DOCK8: variants seen among roughly 807,000 people sequenced by gnomAD.
DOCK8 encodes dedicator of cytokinesis 8, also known as dedicator of cytokinesis protein 8.
A neutral mutation model predicts 245.6 loss-of-function variants in DOCK8; 141 were observed. The ratio of observed to expected loss-of-function variants is 0.57; its 90% CI spans 0.50 to 0.66. DOCK8 has a LOEUF of 0.66. DOCK8 is among the 30% of genes least tolerant of loss of function. The probability of loss-of-function intolerance (pLI) is 0.00; values close to 1 mark genes in which losing one functional copy is unlikely to be tolerated. For missense variants in DOCK8, 2,965 were observed against 2,603.4 expected (o/e 1.14, Z -3.02); for synonymous variants, 1,168 against 970.2 (o/e 1.20, Z -3.79).
At chr9:211,538 C>T (rs966836439), upstream of DOCK8, among the ~76,000 whole-genome samples, 5 of 151,992 alleles carry the variant, frequency 3.3e-5, no homozygotes, top group Admixed American at 2.6e-4. Flanking sequence ...TTTTTGTTAT[C>T]TAGGTATTAA....
intron 19 of DOCK8, 59 bp downstream of exon 19, chr9:376,364 A>T: frequency 8.5e-7 from 1 of 1,170,306 alleles, no homozygotes; most frequent in Non-Finnish European, 1.3e-6. Context: ...CCTTTGAAGG[A>T]CAGGCCAATA....
At chr9:261,926 A>C (rs367766038) in intron 1 of DOCK8, among the ~76,000 whole-genome samples, 1 of 152,020 alleles carries the variant, frequency 6.6e-6, no homozygotes, top group African/African-American at 2.4e-5. Flanking sequence ...GCTAGGTTTC[A>C]TAACTTTTTA....
At chr9:383,263 G>A (rs1247708421) in intron 22 of DOCK8, among the ~76,000 whole-genome samples, 8 of 152,032 alleles carry the variant, frequency 5.3e-5, no homozygotes, top group Non-Finnish European at 1.0e-4. Context: ...GGCCAAGCAC[G>A]GTGGCTCACA....
intron 1 of DOCK8, among the ~76,000 whole-genome samples, chr9:242,839 AT>A (rs931033509): frequency 3.3e-5 from 5 of 150,444 alleles, no homozygotes; most frequent in African/African-American, 1.2e-4. Flanking sequence ...ATGCCATAAT[AT>A]GTTTAGTTTC....
intron 2 of DOCK8, among the ~76,000 whole-genome samples, chr9:277,540 C>CA (rs1327899201): frequency 1.4e-5 from 2 of 140,888 alleles, no homozygotes; most frequent in South Asian, 2.2e-4. Context: ...GACCCTGTCT[C>CA]AGAGGAAAGG....
intron 23 of DOCK8, among the ~76,000 whole-genome samples, chr9:389,483 G>A (rs547008016): frequency 4.6e-5 from 7 of 152,212 alleles, no homozygotes; most frequent in South Asian, 4.1e-4. Flanking sequence ...AAACCCCACC[G>A]ATCCTGCTTC....
At chr9:443,542 C>T (rs979671789) in intron 43 of DOCK8, 26 bp downstream of exon 43, 1 of 1,564,806 alleles carries the variant, frequency 6.4e-7, no homozygotes, top group Non-Finnish European at 8.8e-7. Context: ...CAAAAACTAA[C>T]CATCAAGCTC....
intron 26 of DOCK8, among the ~76,000 whole-genome samples, chr9:401,312 C>T (rs1197157397): frequency 6.6e-6 from 1 of 152,156 alleles, no homozygotes; most frequent in African/African-American, 2.4e-5. Context: ...TACATAAGAG[C>T]GGAAGCCCCT....
chr9:393,925 C>A (rs2054320083), intron 24 of DOCK8, among the ~76,000 whole-genome samples: 1 of 152,184 alleles, frequency 6.6e-6, no homozygotes. Flanking sequence ...CAGGGTACAG[C>A]AGCTGGCAGA....
intron 35 of DOCK8, 114 bp downstream of exon 35, chr9:428,610 C>A: frequency 1.5e-6 from 2 of 1,315,666 alleles, no homozygotes; most frequent in Non-Finnish European, 2.1e-6. Flanking sequence ...AGTGGCATCA[C>A]AGTAAAGGTC....
rs769198508 is a variant in DOCK8 at position 215,043 on chromosome 9, C to CG, written c.53+15dup. On this transcript the variant is annotated intron_variant, in intron 1 of 47. Transcript: ENST00000432829. ...CAAGATCAACAGGTAAGACGCCCCC[C>CG]GCGGCGCGCAGGTTGCGGCCGGACA... The CG allele has an allele frequency of 6.4e-7, 1 of 1,570,786 alleles. No homozygotes were observed. The highest frequency in any genetic ancestry group is 8.6e-7 in the Non-Finnish European group (1 of 1,166,342).
At chr9:366,759 C>T (rs189075559) in intron 14 of DOCK8, among the ~76,000 whole-genome samples, 10 of 152,316 alleles carry the variant, frequency 6.6e-5, no homozygotes, top group Non-Finnish European at 1.2e-4. Flanking sequence ...TTTTGCTCAA[C>T]GCCCCCTACC....
intron 7 of DOCK8, among the ~76,000 whole-genome samples, chr9:322,941 A>C (rs1165340631): frequency 2.0e-5 from 3 of 151,872 alleles, no homozygotes; most frequent in Non-Finnish European, 4.4e-5. Flanking sequence ...AAATATACAA[A>C]AATTAGCTGG....
chr9:343,160 A>G (rs187023255), intron 14 of DOCK8, among the ~76,000 whole-genome samples: 6 of 152,306 alleles, frequency 3.9e-5, no homozygotes, highest in Admixed American at 3.9e-4. Flanking sequence ...GATGCACAAA[A>G]TTAAGACCCG....
chr9:309,364 G>T lies in DOCK8; in HGVS notation c.529-2590G>T, dbSNP rs373723971. On this transcript the variant is annotated intron_variant, in intron 5 of 47. Transcript: ENST00000432829. Reference sequence around the variant, plus strand: ...TGATCTAGTAGAGTAGTACTTTTGTGAGGTAGATGTCACAAAAAATGTGTA... The same window carrying T: ...TGATCTAGTAGAGTAGTACTTTTGTTAGGTAGATGTCACAAAAAATGTGTA... 1.0e-3 allele frequency among the ~76,000 whole-genome samples: 156 copies of T among 152,226 alleles called. 1 individual carries two copies. In the South Asian group the frequency reaches 0.019, roughly 19 times the overall value.
At chr9:239,675 A>G (rs2047336894) in intron 1 of DOCK8, among the ~76,000 whole-genome samples, 1 of 152,212 alleles carries the variant, frequency 6.6e-6, no homozygotes, top group Non-Finnish European at 1.5e-5. Context: ...AGGTAAGCAA[A>G]TACTTTAAAA....
intron 1 of DOCK8, among the ~76,000 whole-genome samples, chr9:250,022 A>G (rs907221273): frequency 1.3e-5 from 2 of 152,124 alleles, no homozygotes; most frequent in Non-Finnish European, 2.9e-5. Context: ...CCCTTATTCT[A>G]GAACACAGGC....
chr9:367,282 C>T (rs998827935), intron 14 of DOCK8, among the ~76,000 whole-genome samples: 1 of 152,174 alleles, frequency 6.6e-6, no homozygotes, highest in Non-Finnish European at 1.5e-5. Context: ...CAAACACTTA[C>T]TTAATACTCC....
At chr9:311,285 T>TAA (rs57814753) in intron 5 of DOCK8, among the ~76,000 whole-genome samples, 153 of 141,774 alleles carry the variant, frequency 1.1e-3, no homozygotes, top group Non-Finnish European at 1.4e-3. Flanking sequence ...ACTCGGTCTT[T>TAA]AAAAAAAAAA....
Sources: allele counts gnomAD v4.1 joint callset (sites outside exome capture counted in the v4.1 genomes callset), GRCh38; gene constraint gnomAD v4.1.1; transcripts MANE v1.5; gene names NCBI Gene and HGNC (gene_info 2026-07-23, HGNC 2026-07-21).